The following BFSP1 variants were observed in gnomAD, a reference collection of about 807,000 sequenced individuals.
The protein encoded by BFSP1 is filensin.
BFSP1 carries 38 observed loss-of-function variants against 43.9 expected under a neutral mutation model. The observed-to-expected ratio is 0.87, with a 90% CI of 0.67 to 1.14. The LOEUF is 1.14. Ranked by LOEUF, BFSP1 falls within the 50% of genes most tolerant of loss-of-function variation. The probability of loss-of-function intolerance (pLI) is 0.00; values close to 1 mark genes in which losing one functional copy is unlikely to be tolerated. For missense variants in BFSP1, 850 were observed against 875.1 expected (o/e 0.97, Z 0.36); for synonymous variants, 352 against 354.8 (o/e 0.99, Z 0.09).
chr20:17,555,459 C>T (rs564511337), intron 1 of BFSP1, among the ~76,000 whole-genome samples: 23 of 151,606 alleles, frequency 1.5e-4, no homozygotes, highest in Admixed American at 6.6e-4. Flanking sequence ...TGGACACCAG[C>T]CTGACCAACA....
chr20:17,536,918 T>G (rs2034636749), intron 1 of BFSP1, among the ~76,000 whole-genome samples: 1 of 152,194 alleles, frequency 6.6e-6, no homozygotes, highest in African/African-American at 2.4e-5. Flanking sequence ...CCTCCAAATC[T>G]CACATGTTGA....
chr20:17,501,338 G>A (rs1227238854), intron 5 of BFSP1, among the ~76,000 whole-genome samples: 1 of 152,196 alleles, frequency 6.6e-6, no homozygotes. Context: ...GCCAAGGCGG[G>A]CAGATCACTT....
chr20:17,508,652 G>A (rs1483319289), intron 5 of BFSP1, among the ~76,000 whole-genome samples: 3 of 152,190 alleles, frequency 2.0e-5, no homozygotes, highest in Non-Finnish European at 4.4e-5. Flanking sequence ...GAGGGGCCAG[G>A]AATGAGCGTG....
At chr20:17,532,597 G>A (rs1036243593), upstream of BFSP1, among the ~76,000 whole-genome samples, 1 of 151,668 alleles carries the variant, frequency 6.6e-6, no homozygotes, top group Non-Finnish European at 1.5e-5. Context: ...GAATAATAAA[G>A]GATTTTGTGC....
At chr20:17,553,210 T>C (rs2034923522) in intron 1 of BFSP1, among the ~76,000 whole-genome samples, 1 of 152,118 alleles carries the variant, frequency 6.6e-6, no homozygotes, top group African/African-American at 2.4e-5. Flanking sequence ...CTGACTATGT[T>C]GTATGAGATG....
intron 6 of BFSP1, among the ~76,000 whole-genome samples, chr20:17,498,180 T>G (rs2033701773): frequency 6.6e-6 from 1 of 152,182 alleles, no homozygotes; most frequent in African/African-American, 2.4e-5. Context: ...AAGACTGAAG[T>G]GAAGAATCAC....
intron 1 of BFSP1, among the ~76,000 whole-genome samples, chr20:17,547,734 C>T (rs113237396): frequency 3.7e-5 from 5 of 136,200 alleles, no homozygotes; most frequent in Admixed American, 7.6e-5. Flanking sequence ...CTTTTTCTTT[C>T]TTTTTTTTTT....
chr20:17,500,140 C>T (rs1027935326), intron 5 of BFSP1, among the ~76,000 whole-genome samples: 1 of 152,144 alleles, frequency 6.6e-6, no homozygotes, highest in African/African-American at 2.4e-5. Flanking sequence ...GAGTTTGGAT[C>T]GGCAGAGTTA....
At chr20:17,505,487 C>T (rs922616117) in intron 5 of BFSP1, among the ~76,000 whole-genome samples, 1 of 152,366 alleles carries the variant, frequency 6.6e-6, no homozygotes, top group East Asian at 1.9e-4. Flanking sequence ...CCCGCTGCCA[C>T]GGCCCTGGTG....
upstream of BFSP1, among the ~76,000 whole-genome samples, chr20:17,561,715 T>C (rs1056641072): frequency 1.3e-5 from 2 of 152,146 alleles, no homozygotes; most frequent in Non-Finnish European, 2.9e-5. Flanking sequence ...CCTTGATGTG[T>C]GTATGTGTGT....
intron 1 of BFSP1, among the ~76,000 whole-genome samples, chr20:17,554,425 A>AAC (rs1467869176): frequency 2.0e-5 from 3 of 152,208 alleles, no homozygotes; most frequent in Non-Finnish European, 2.9e-5. Flanking sequence ...AGTTCCAGAG[A>AAC]ACACACCTCA....
intron 7 of BFSP1, 81 bp from the exon 8 acceptor site, chr20:17,495,110 ACTCT>A (rs1466587761): frequency 8.9e-6 from 12 of 1,348,144 alleles, no homozygotes; most frequent in Non-Finnish European, 1.2e-5. Context: ...AAATAGGCTA[ACTCT>A]CTCGGAAACA....
intron 3 of BFSP1, among the ~76,000 whole-genome samples, chr20:17,512,495 T>C (rs1451641566): frequency 3.3e-5 from 5 of 152,008 alleles, no homozygotes; most frequent in African/African-American, 1.2e-4. Context: ...GGCAGGTGGA[T>C]TGCTTGAGCC....
chr20:17,526,519 G>A (rs997881087), intron 1 of BFSP1, among the ~76,000 whole-genome samples: 6 of 152,150 alleles, frequency 3.9e-5, no homozygotes, highest in Admixed American at 2.0e-4. Context: ...CTTTTTAAGG[G>A]TGTATAATAT....
At chr20:17,529,090 T>TGTGTGTGTGTGAGAGA (rs577672397) in intron 1 of BFSP1, among the ~76,000 whole-genome samples, 10 of 151,614 alleles carry the variant, frequency 6.6e-5, no homozygotes, top group African/African-American at 2.2e-4. Flanking sequence ...TGTGTGTGTG[T>TGTGTGTGTGTGAGAGA]GAGACAGAGT....
intron 1 of BFSP1, chr20:17,558,636 G>GA: frequency 3.3e-6 from 5 of 1,538,046 alleles, no homozygotes; most frequent in Non-Finnish European, 4.4e-6. Context: ...AAAGCAAAAA[G>GA]AAAAAATGCT....
intron 6 of BFSP1, 44 bp downstream of exon 6, chr20:17,498,776 T>C (rs200521597): frequency 2.5e-6 from 4 of 1,589,166 alleles, no homozygotes; most frequent in Non-Finnish European, 3.4e-6. Flanking sequence ...AATAAAGAGT[T>C]GTGGAAGGAA....
In BFSP1 at chr20:17,531,249, G is replaced by A. The variant is rs1300874552; in HGVS notation, c.81C>T (p.Pro27=). 2.8e-6 allele frequency: 4 copies of A among 1,420,692 alleles called. No homozygotes were observed. Among genetic ancestry groups the A allele is most frequent in the East Asian group, 3.0e-5 (1 of 33,498 alleles). The allele number at this position is 1,420,692 out of a possible 1,614,324, so 88.0% of individuals were successfully genotyped here. A position where few individuals can be genotyped will look rare whatever the true frequency, so the allele number is the denominator to read the frequency against. ...CCCAGCCCTCGTCGGCCGGGCGCTC[G>A]GGCTCGGCGGCGCGCGAAGCCTCGT... The part of the protein sequence containing the change: ...HADEASRAAE[P]ERPADEGWAG... Residue 27 remains proline (P), a synonymous_variant, in exon 1 of 8, where the codon CCC becomes CCT. Transcript: ENST00000377873.
intron 1 of BFSP1, among the ~76,000 whole-genome samples, chr20:17,541,437 T>C (rs1010761631): frequency 6.6e-6 from 1 of 152,142 alleles, no homozygotes; most frequent in African/African-American, 2.4e-5. Context: ...AAAATTGAAA[T>C]TTACTTTGCT....
Sources: allele counts gnomAD v4.1 joint callset (sites outside exome capture counted in the v4.1 genomes callset), GRCh38; gene constraint gnomAD v4.1.1; transcripts MANE v1.5; gene names NCBI Gene and HGNC (gene_info 2026-07-23, HGNC 2026-07-21).